IPPK: variants seen among roughly 807,000 people sequenced by gnomAD.
The protein encoded by IPPK is IPK1 homolog.
In IPPK, 22 loss-of-function variants were observed where a neutral mutation model predicts 64.6. The observed-to-expected ratio is 0.34, with a 90% CI of 0.24 to 0.49. IPPK has a LOEUF of 0.49. Among genes scored for constraint, IPPK ranks in the 20% least tolerant of loss-of-function variants. IPPK has a pLI of 0.99. For missense variants in IPPK, 532 were observed against 630.7 expected, an observed-to-expected ratio of 0.84 and a Z score of 1.68; for synonymous variants, 262 against 247.2, an observed-to-expected ratio of 1.06 and a Z score of -0.56.
At chr9:92,653,521 A>G (rs1399292641) in intron 3 of IPPK, among the ~76,000 whole-genome samples, 1 of 152,270 alleles carries the variant, frequency 6.6e-6, no homozygotes, top group African/African-American at 2.4e-5. Context: ...GTAAGGTGAC[A>G]CAATGGACAA....
At chr9:92,629,193 A>ATT (rs1378025584) in intron 11 of IPPK, among the ~76,000 whole-genome samples, 1 of 152,222 alleles carries the variant, frequency 6.6e-6, no homozygotes, top group Non-Finnish European at 1.5e-5. Context: ...CTATAAAACT[A>ATT]TTAAAAGGGA....
At chr9:92,657,066 C>G (rs1428895859) in intron 2 of IPPK, among the ~76,000 whole-genome samples, 1 of 152,162 alleles carries the variant, frequency 6.6e-6, no homozygotes, top group Non-Finnish European at 1.5e-5. Context: ...AAAAAAAACC[C>G]TGGCCAGGAG....
chr9:92,667,596 T>G (rs954530618), intron 1 of IPPK, among the ~76,000 whole-genome samples: 1 of 152,184 alleles, frequency 6.6e-6, no homozygotes, highest in African/African-American at 2.4e-5. Context: ...CAAGCAGGAA[T>G]GAGCACAGTA....
At chr9:92,649,731 T>G (rs1324447774) in intron 4 of IPPK, among the ~76,000 whole-genome samples, 157 bp from the exon 5 acceptor site, 1 of 152,094 alleles carries the variant, frequency 6.6e-6, no homozygotes, top group Non-Finnish European at 1.5e-5. Flanking sequence ...ACACACACAG[T>G]AACAACGTGG....
At chr9:92,655,181 C>T (rs997638848) in intron 3 of IPPK, among the ~76,000 whole-genome samples, 9 of 152,342 alleles carry the variant, frequency 5.9e-5, no homozygotes, top group African/African-American at 2.2e-4. Context: ...TGCCCCACAA[C>T]AAACAGGAGG....
rs1412626530 is a variant in IPPK, at chr9:92,621,129, G to A, written c.1171-1564C>T. Reference sequence around the variant, plus strand: ...AAGGGCCTGAATTCAAATCATGAGGGCTCTACCCTCATGACCTAATCACCT... The same window carrying A: ...AAGGGCCTGAATTCAAATCATGAGGACTCTACCCTCATGACCTAATCACCT... On this transcript the variant is annotated intron_variant, in intron 11 of 12. Coordinates refer to ENST00000287996, the MANE Select transcript of IPPK (RefSeq NM_022755.6). Among the ~76,000 whole-genome samples the A allele has an allele frequency of 4.8e-5, 7 of 145,394 alleles. No homozygotes were observed. The Admixed American group carries it at 5.0e-4, about 10-fold the overall frequency.
At chr9:92,616,580 T>G (rs972814232) in intron 12 of IPPK, 5 of 154,534 alleles carry the variant, frequency 3.2e-5, no homozygotes, top group East Asian at 3.8e-4. Flanking sequence ...AAACGCAAGC[T>G]CCTTTGGTTC....
chr9:92,619,703 G>A (rs1053978271), intron 11 of IPPK, 138 bp from the exon 12 acceptor site: 38 of 745,876 alleles, frequency 5.1e-5, no homozygotes, highest in Middle Eastern at 5.3e-4. Flanking sequence ...CGAGGGCCAC[G>A]GTGAGCACGG....
intron 1 of IPPK, among the ~76,000 whole-genome samples, chr9:92,663,542 C>G (rs1322301926): frequency 1.3e-5 from 2 of 152,238 alleles, no homozygotes; most frequent in African/African-American, 4.8e-5. Flanking sequence ...GGATGTTTTT[C>G]ACTTCCTTCC....
At chr9:92,662,355 GTC>G (rs572494760) in intron 1 of IPPK, among the ~76,000 whole-genome samples, 64 of 152,170 alleles carry the variant, frequency 4.2e-4, no homozygotes, top group African/African-American at 1.5e-3. Flanking sequence ...GAGAAAACCT[GTC>G]TCTACTAAAA....
chr9:92,663,624 C>A (rs1852533093), intron 1 of IPPK, among the ~76,000 whole-genome samples: 2 of 152,288 alleles, frequency 1.3e-5, no homozygotes, highest in African/African-American at 2.4e-5. Flanking sequence ...GCCACAAAAA[C>A]CCCAATACAT....
chr9:92,632,759 C>T (rs1344804887), intron 11 of IPPK, among the ~76,000 whole-genome samples: 2 of 152,194 alleles, frequency 1.3e-5, no homozygotes, highest in East Asian at 3.9e-4. Flanking sequence ...TGAGGCTTTA[C>T]CAGACATCCT....
At chr9:92,639,274 T>A (rs1852002852) in intron 8 of IPPK, among the ~76,000 whole-genome samples, 1 of 152,114 alleles carries the variant, frequency 6.6e-6, no homozygotes, top group South Asian at 2.1e-4. Flanking sequence ...GTCTTGAACT[T>A]CTGGCCTCAA....
intron 1 of IPPK, among the ~76,000 whole-genome samples, chr9:92,662,714 C>T (rs938974276): frequency 2.0e-5 from 3 of 152,074 alleles, no homozygotes; most frequent in Non-Finnish European, 4.4e-5. Context: ...TCTAACAAGC[C>T]AAAAACACCA....
At chr9:92,655,075 C>A (rs1852343836) in intron 3 of IPPK, among the ~76,000 whole-genome samples, 2 of 152,224 alleles carry the variant, frequency 1.3e-5, no homozygotes, top group African/African-American at 4.8e-5. Context: ...GGAGACAGGC[C>A]CAGACCAGCG....
chr9:92,637,876 G>A lies in IPPK; in HGVS notation c.916+125C>T, dbSNP rs144533397. 1.1e-3 allele frequency: 1,137 copies of A among 1,060,932 alleles called. 8 individuals carry two copies. Among genetic ancestry groups the A allele is most frequent in the Middle Eastern group, 6.3e-4 (2 of 3,160 alleles). 65.7% of individuals were successfully genotyped at this position (1,060,932 alleles called of 1,614,324 possible). On this transcript the variant is annotated intron_variant, in intron 9 of 12. Transcript: ENST00000287996. ...GAGGCCCCGTGCTGGGAGCCCTGGC[G>A]TAACCAGGTGGCATCCCCCAGAGCC...
intron 11 of IPPK, among the ~76,000 whole-genome samples, chr9:92,628,924 A>C (rs74600483): frequency 0.012 from 1,841 of 152,154 alleles, 29 homozygotes; most frequent in African/African-American, 0.041. Context: ...GTATATCTAC[A>C]TGCAAAAGAA....
intron 3 of IPPK, among the ~76,000 whole-genome samples, chr9:92,654,148 A>C (rs117629410): frequency 0.038 from 5,863 of 152,336 alleles, 152 homozygotes; most frequent in Middle Eastern, 0.075. Context: ...CCAGGTGAAA[A>C]GCAGACCTCG....
chr9:92,652,278 T>C (rs890929813), intron 4 of IPPK, among the ~76,000 whole-genome samples: 1 of 151,726 alleles, frequency 6.6e-6, no homozygotes, highest in Non-Finnish European at 1.5e-5. Context: ...TGAAACCCCA[T>C]CTCTATTAAA....
Sources: allele counts gnomAD v4.1 joint callset (sites outside exome capture counted in the v4.1 genomes callset), GRCh38; gene constraint gnomAD v4.1.1; transcripts MANE v1.5; gene names NCBI Gene and HGNC (gene_info 2026-07-23, HGNC 2026-07-21).